The following PTPRD variants were observed in gnomAD, a reference collection of about 807,000 sequenced individuals.
PTPRD encodes protein tyrosine phosphatase receptor type D, also known as receptor-type tyrosine-protein phosphatase delta.
A neutral mutation model predicts 214.5 loss-of-function variants in PTPRD; 34 were observed. The observed-to-expected ratio is 0.16, with a 90% CI of 0.12 to 0.21. The LOEUF (loss-of-function observed/expected upper bound fraction) is 0.21. Ranked by LOEUF, PTPRD falls within the 10% of genes least tolerant of loss-of-function variation. PTPRD has a pLI of 1.00. For missense variants in PTPRD, 2,545 were observed against 2,398.7 expected (o/e 1.06, Z -1.27); for synonymous variants, 1,128 against 845.7 (o/e 1.33, Z -5.79).
intron 4 of PTPRD, among the ~76,000 whole-genome samples, chr9:9,964,080 G>A (rs1380329409): frequency 3.4e-5 from 5 of 146,406 alleles, no homozygotes; most frequent in Non-Finnish European, 7.5e-5. Flanking sequence ...AGGCAGAGAC[G>A]GAGGCAGAGA....
At chr9:9,934,983 T>C (rs564329834) in intron 5 of PTPRD, among the ~76,000 whole-genome samples, 1 of 152,290 alleles carries the variant, frequency 6.6e-6, no homozygotes, top group Non-Finnish European at 1.5e-5. Context: ...AACCACATGA[T>C]TATCTCAATA....
chr9:8,495,444 T>A (rs1353067631), intron 26 of PTPRD, among the ~76,000 whole-genome samples: 1 of 152,212 alleles, frequency 6.6e-6, no homozygotes, highest in Non-Finnish European at 1.5e-5. Flanking sequence ...ATAACTCTTT[T>A]TACCTGCTTT....
intron 8 of PTPRD, among the ~76,000 whole-genome samples, chr9:9,492,326 TAAAA>T (rs67958740): frequency 1.1e-4 from 15 of 134,784 alleles, no homozygotes; most frequent in African/African-American, 2.9e-4. Flanking sequence ...TTACTAAACA[TAAAA>T]AAAAAAAAAA....
At chr9:10,259,141 G>A (rs1595555772) in intron 3 of PTPRD, among the ~76,000 whole-genome samples, 1 of 152,218 alleles carries the variant, frequency 6.6e-6, no homozygotes, top group Non-Finnish European at 1.5e-5. Context: ...TTCTGCCTCA[G>A]CCTCCGGAGT....
chr9:10,222,747 G>A (rs1001470149), intron 3 of PTPRD, among the ~76,000 whole-genome samples: 1 of 151,950 alleles, frequency 6.6e-6, no homozygotes, highest in Admixed American at 6.6e-5. Flanking sequence ...TTCCTAATGG[G>A]TATTGTTCTT....
chr9:10,146,523 G>A (rs1300282680), intron 3 of PTPRD, among the ~76,000 whole-genome samples: 1 of 152,088 alleles, frequency 6.6e-6, no homozygotes, highest in Non-Finnish European at 1.5e-5. Flanking sequence ...TGCAGGTTGT[G>A]CCAAGAAGCT....
At chr9:8,408,900 G>A (rs1190812317) in intron 35 of PTPRD, among the ~76,000 whole-genome samples, 1 of 151,298 alleles carries the variant, frequency 6.6e-6, no homozygotes, top group Non-Finnish European at 1.5e-5. Flanking sequence ...AAGAACAACG[G>A]GAAAGTCTCA....
chr9:8,581,223 G>T, intron 14 of PTPRD, among the ~76,000 whole-genome samples: 1 of 151,954 alleles, frequency 6.6e-6, no homozygotes, highest in East Asian at 1.9e-4. Context: ...AAAAATTAAA[G>T]AGTTAATATT....
intron 9 of PTPRD, among the ~76,000 whole-genome samples, chr9:9,322,020 A>G (rs1966831208): frequency 6.6e-6 from 1 of 152,194 alleles, no homozygotes; most frequent in African/African-American, 2.4e-5. Flanking sequence ...TTTGCCATAA[A>G]TAATTAGCAA....
intron 9 of PTPRD, among the ~76,000 whole-genome samples, chr9:9,188,072 C>G (rs1248043846): frequency 1.3e-5 from 2 of 152,014 alleles, no homozygotes; most frequent in Non-Finnish European, 2.9e-5. Flanking sequence ...TCACTTTTTC[C>G]TCCTCACCAA....
chr9:10,511,930 ACGTGTATATATATATACG>A, intron 2 of PTPRD, among the ~76,000 whole-genome samples: 7 of 82,260 alleles, frequency 8.5e-5, no homozygotes, highest in Middle Eastern at 7.0e-3. Flanking sequence ...ATATATATAT[ACGTGTATATATATATACG>A]TGTGTGTATA....
chr9:9,570,724 T>C (rs2086111472), intron 8 of PTPRD, among the ~76,000 whole-genome samples: 1 of 151,506 alleles, frequency 6.6e-6, no homozygotes, highest in South Asian at 2.1e-4. Context: ...AAACATCTAA[T>C]TAGCTCTTGA....
At chr9:9,640,895 G>A (rs2095920542) in intron 7 of PTPRD, among the ~76,000 whole-genome samples, 2 of 152,202 alleles carry the variant, frequency 1.3e-5, no homozygotes, top group South Asian at 4.1e-4. Context: ...GCCAAGCACT[G>A]CAGACACTAA....
At chr9:8,496,203 CACACACAA>C (rs202033243) in intron 26 of PTPRD, among the ~76,000 whole-genome samples, 17 of 128,674 alleles carry the variant, frequency 1.3e-4, no homozygotes, top group African/African-American at 4.6e-4. Flanking sequence ...CACACACACA[CACACACAA>C]ACACACACAC....
intron 14 of PTPRD, among the ~76,000 whole-genome samples, chr9:8,571,234 T>C (rs1813531865): frequency 6.6e-6 from 1 of 152,172 alleles, no homozygotes; most frequent in Non-Finnish European, 1.5e-5. Flanking sequence ...TATTGTTCAC[T>C]CTCTTACTGT....
At chr9:10,339,094 G>C (rs2096894229) in intron 3 of PTPRD, among the ~76,000 whole-genome samples, 1 of 151,660 alleles carries the variant, frequency 6.6e-6, no homozygotes, top group Non-Finnish European at 1.5e-5. Context: ...AGCTTTATTA[G>C]TGGATACATG....
intron 4 of PTPRD, among the ~76,000 whole-genome samples, chr9:10,016,187 T>C (rs1188149668): frequency 6.6e-6 from 1 of 152,198 alleles, no homozygotes; most frequent in Non-Finnish European, 1.5e-5. Flanking sequence ...TTGTTATTTC[T>C]TCTTTTCGGC....
chr9:8,507,629 G>C (rs775027934), intron 21 of PTPRD, among the ~76,000 whole-genome samples, 195 bp from the exon 22 acceptor site: 1 of 152,096 alleles, frequency 6.6e-6, no homozygotes, highest in Non-Finnish European at 1.5e-5. Context: ...TCCTGCTCTG[G>C]AGTAGTAGAA....
At chr9:9,940,170 C>T (rs1387065313) in intron 4 of PTPRD, among the ~76,000 whole-genome samples, 1 of 152,116 alleles carries the variant, frequency 6.6e-6, no homozygotes, top group Non-Finnish European at 1.5e-5. Context: ...TTACTGACAT[C>T]TAAGAGTCAG....
Sources: gnomAD v4.1 joint callset for allele counts (sites outside exome capture counted in the v4.1 genomes callset) on GRCh38, gnomAD v4.1.1 for gene constraint, MANE v1.5 for transcripts, NCBI Gene and HGNC (gene_info 2026-07-23, HGNC 2026-07-21) for gene names.